KMO: variants seen among roughly 807,000 people sequenced by gnomAD.
KMO encodes the protein kynurenine 3-hydroxylase.
In KMO, 24 loss-of-function variants were observed where a neutral mutation model predicts 57.8. The observed-to-expected ratio is 0.42, with a 90% CI of 0.30 to 0.58. KMO has a LOEUF of 0.58. Ranked by LOEUF, KMO falls within the 20% of genes least tolerant of loss-of-function variation. The pLI, the probability that KMO is intolerant of heterozygous loss-of-function variation, is 0.22. For missense variants in KMO, 483 were observed against 588.2 expected (o/e 0.82, Z 1.85); for synonymous variants, 210 against 193.6 (o/e 1.08, Z -0.70).
At chr1:241,543,463 A>G (rs1661026888) in intron 1 of KMO, among the ~76,000 whole-genome samples, 1 of 152,140 alleles carries the variant, frequency 6.6e-6, no homozygotes, top group Admixed American at 6.6e-5. Flanking sequence ...TATTCATATC[A>G]TATCTCACTG....
chr1:241,539,389 A>AAAAAAAAAAAAAAAAC (rs920402236), intron 1 of KMO, among the ~76,000 whole-genome samples: 2,538 of 150,038 alleles, frequency 0.017, 44 homozygotes, highest in Middle Eastern at 0.078. Flanking sequence ...GTCTCAAAAA[A>AAAAAAAAAAAAAAAAC]ATTCCAGAAA....
At chr1:241,560,040 C>A (rs1449727047) in intron 5 of KMO, among the ~76,000 whole-genome samples, 1 of 152,152 alleles carries the variant, frequency 6.6e-6, no homozygotes, top group African/African-American at 2.4e-5. Flanking sequence ...GTAACAAGGG[C>A]ATAATTAATA....
chr1:241,554,949 T>A (rs1197569220), intron 4 of KMO, among the ~76,000 whole-genome samples: 1 of 150,472 alleles, frequency 6.6e-6, no homozygotes, highest in Non-Finnish European at 1.5e-5. Context: ...ACCATTGCAC[T>A]CCAACCTGGG....
At chr1:241,569,295 T>C (rs1041967113) in intron 10 of KMO, among the ~76,000 whole-genome samples, 1 of 152,116 alleles carries the variant, frequency 6.6e-6, no homozygotes, top group Non-Finnish European at 1.5e-5. Flanking sequence ...TTGTATCCAT[T>C]AACTATCTCC....
intron 10 of KMO, among the ~76,000 whole-genome samples, chr1:241,572,303 C>T (rs1662322720): frequency 6.6e-6 from 1 of 152,096 alleles, no homozygotes; most frequent in Non-Finnish European, 1.5e-5. Flanking sequence ...ATGATTCAAT[C>T]TTGGTAAGTT....
Position 241,594,745 on chromosome 1 carries a change from G to A in KMO, c.*2592G>A. 1 of 1,570,226 alleles carries A rather than the reference G, an allele frequency of 6.4e-7. No individual in the cohort carries two copies. Among genetic ancestry groups the A allele is most frequent in the East Asian group, 2.2e-5 (1 of 44,466 alleles). ...TTAAGTAAAAGTTGGGCACTAATCTGGATTAACATTCGAGGAAATCAGTTG... is the reference window on the plus strand; with the variant it reads ...TTAAGTAAAAGTTGGGCACTAATCTAGATTAACATTCGAGGAAATCAGTTG... On this transcript the variant is annotated 3_prime_UTR_variant, in exon 15 of 15. Coordinates refer to ENST00000366559, the MANE Select transcript of KMO (RefSeq NM_003679.5).
At chr1:241,566,291 G>A (rs1662075324) in intron 8 of KMO, among the ~76,000 whole-genome samples, 200 bp from the exon 9 acceptor site, 1 of 152,182 alleles carries the variant, frequency 6.6e-6, no homozygotes, top group African/African-American at 2.4e-5. Flanking sequence ...AATCAAAGAA[G>A]CTGGAGAGCA....
chr1:241,568,218 A>G (rs1244978398), intron 9 of KMO, among the ~76,000 whole-genome samples: 1 of 152,214 alleles, frequency 6.6e-6, no homozygotes. Context: ...GGTGCATGAT[A>G]ACAAAGTTTT....
At chr1:241,547,145 C>A (rs963892662) in intron 1 of KMO, among the ~76,000 whole-genome samples, 1 of 152,140 alleles carries the variant, frequency 6.6e-6, no homozygotes, top group African/African-American at 2.4e-5. Context: ...CACTCTAAAG[C>A]TTTAAAAAGA....
At chr1:241,587,293 A>G (rs1437867674) in intron 11 of KMO, among the ~76,000 whole-genome samples, 1 of 152,222 alleles carries the variant, frequency 6.6e-6, no homozygotes, top group East Asian at 1.9e-4. Context: ...CTGATCTGAC[A>G]GGAGGCGGAG....
chr1:241,546,337 G>T (rs142396848), intron 1 of KMO, among the ~76,000 whole-genome samples: 1 of 152,276 alleles, frequency 6.6e-6, no homozygotes, highest in Non-Finnish European at 1.5e-5. Flanking sequence ...GTAGATGCCT[G>T]TAGGCATGGC....
chr1:241,590,902 G>A (rs1007163927), intron 14 of KMO, among the ~76,000 whole-genome samples: 7 of 152,178 alleles, frequency 4.6e-5, no homozygotes, highest in African/African-American at 1.7e-4. Flanking sequence ...GCCAGGACAG[G>A]GGAAGGCGGA....
intron 9 of KMO, 103 bp downstream of exon 9, chr1:241,566,715 T>C (rs765788882): frequency 4.2e-6 from 5 of 1,191,822 alleles, no homozygotes; most frequent in Non-Finnish European, 6.2e-6. Context: ...CGATGGATCA[T>C]GCAGTAACCT....
rs1663429767 is a variant in KMO at position 241,594,350 on chromosome 1, T to C, written c.*2197T>C. 6.8e-7 allele frequency: 1 copy of C among 1,472,930 alleles called. No individual in the cohort carries two copies. Among genetic ancestry groups the C allele is most frequent in the Non-Finnish European group, 9.3e-7 (1 of 1,077,668 alleles). The allele number at this position is 1,472,930 out of a possible 1,614,324, so 91.2% of individuals were successfully genotyped here. On this transcript the variant is annotated 3_prime_UTR_variant, in exon 15 of 15. Transcript: ENST00000366559. The stretch of plus-strand genomic sequence containing the variant: ...CTGTTGATATTACATAGAACGGGTA[T>C]TCCAGACACTTCTTATGATGAAAGT...
intron 1 of KMO, among the ~76,000 whole-genome samples, chr1:241,546,705 T>G (rs1045970445): frequency 6.6e-6 from 1 of 152,134 alleles, no homozygotes; most frequent in Non-Finnish European, 1.5e-5. Context: ...GTGGAGAGAA[T>G]TGATGAGATG....
chr1:241,539,715 T>C (rs1223347275), intron 1 of KMO, among the ~76,000 whole-genome samples: 2 of 152,196 alleles, frequency 1.3e-5, no homozygotes, highest in African/African-American at 2.4e-5. Flanking sequence ...TCTTTCCCTC[T>C]TTGTTTTCTC....
rs1203345917 is a variant in KMO at position 241,533,472 on chromosome 1, A to G, written c.54+974A>G. ...CTTAGTGTCTTTTCCCCAAAGTGCT[A>G]GAACAGTTCTTTTAATATTTCTGAT... On this transcript the variant is annotated intron_variant, in intron 1 of 14. Coordinates refer to ENST00000366559, the MANE Select transcript of KMO (RefSeq NM_003679.5). 2.0e-5 allele frequency among the ~76,000 whole-genome samples: 3 copies of G among 152,192 alleles called. No homozygotes were observed. The East Asian group carries it at 5.8e-4, about 29-fold the overall frequency.
intron 4 of KMO, among the ~76,000 whole-genome samples, chr1:241,552,198 GAA>G (rs1491426220): frequency 0.022 from 1,053 of 48,360 alleles, 8 homozygotes; most frequent in African/African-American, 0.059. Flanking sequence ...GAGAGAGAGA[GAA>G]AGAGCGTGCA....
intron 10 of KMO, among the ~76,000 whole-genome samples, chr1:241,586,221 CAG>C: frequency 1.0e-5 from 1 of 95,360 alleles, no homozygotes; most frequent in African/African-American, 4.0e-5. Flanking sequence ...TTTTTTGAGA[CAG>C]GGTCTCGCTC....
Sources: allele counts gnomAD v4.1 joint callset (sites outside exome capture counted in the v4.1 genomes callset), GRCh38; gene constraint gnomAD v4.1.1; transcripts MANE v1.5; gene names NCBI Gene and HGNC (gene_info 2026-07-23, HGNC 2026-07-21).